The following GPC6 variants were observed in gnomAD, a reference collection of about 807,000 sequenced individuals.
GPC6 encodes the protein glypican 6.
GPC6 carries 14 observed loss-of-function variants against 55.2 expected under a neutral mutation model. The observed-to-expected ratio is 0.25, with a 90% CI of 0.17 to 0.40. The LOEUF (loss-of-function observed/expected upper bound fraction) is 0.40. GPC6 is among the 10% of genes least tolerant of loss of function. The pLI is 1.00. For missense variants in GPC6, 641 were observed against 708.5 expected, an observed-to-expected ratio of 0.90 and a Z score of 1.08; for synonymous variants, 278 against 259.6, an observed-to-expected ratio of 1.07 and a Z score of -0.68.
At chr13:93,920,314 C>T (rs1199474279) in intron 3 of GPC6, among the ~76,000 whole-genome samples, 1 of 151,938 alleles carries the variant, frequency 6.6e-6, no homozygotes, top group Non-Finnish European at 1.5e-5. Flanking sequence ...CTTTTCTCTC[C>T]CTTCTTTCCC....
rs1416031311 is a variant in GPC6, at chr13:93,760,142, AGGTGG to A, written c.320-70011_320-70007del. On this transcript the variant is annotated intron_variant, in intron 2 of 8. Transcript: ENST00000377047. ...GATTTTTTACAGAAAGCTAAGAAAT[AGGTGG>A]TACTGTGTATGATTCCCATTTCATT... is the stretch of plus-strand genomic sequence containing the variant. Among the ~76,000 whole-genome samples the A allele has an allele frequency of 3.9e-5, 6 of 152,306 alleles. No homozygotes were observed. The South Asian group carries it at 1.2e-3, about 32-fold the overall frequency.
At chr13:93,476,102 A>G (rs2139335039) in intron 1 of GPC6, among the ~76,000 whole-genome samples, 1 of 152,304 alleles carries the variant, frequency 6.6e-6, no homozygotes, top group South Asian at 2.1e-4. Flanking sequence ...AAATCAATTC[A>G]AATAAGAATA....
intron 2 of GPC6, among the ~76,000 whole-genome samples, chr13:93,829,459 C>T (rs2138978731): frequency 6.6e-6 from 1 of 152,252 alleles, no homozygotes; most frequent in African/African-American, 2.4e-5. Flanking sequence ...AACCTCATAA[C>T]CAGAAAGTCC....
chr13:93,986,008 G>GAAC (rs2140409855), intron 3 of GPC6, among the ~76,000 whole-genome samples: 1 of 152,060 alleles, frequency 6.6e-6, no homozygotes. Flanking sequence ...TTAGTTTGAT[G>GAAC]AATAATAATA....
chr13:93,620,637 C>A (rs4418931), intron 2 of GPC6, among the ~76,000 whole-genome samples: 1 of 151,908 alleles, frequency 6.6e-6, no homozygotes, highest in Non-Finnish European at 1.5e-5. Context: ...TATTTGAAGC[C>A]GCTCTCTGGA....
chr13:93,785,926 C>T (rs891304033), intron 2 of GPC6, among the ~76,000 whole-genome samples: 2 of 152,114 alleles, frequency 1.3e-5, no homozygotes, highest in Non-Finnish European at 2.9e-5. Flanking sequence ...TGTGCCTCTG[C>T]ACTCCAGGGT....
At chr13:93,379,383 A>T (rs967342197) in intron 1 of GPC6, among the ~76,000 whole-genome samples, 1 of 152,226 alleles carries the variant, frequency 6.6e-6, no homozygotes, top group Non-Finnish European at 1.5e-5. Flanking sequence ...GGACTGATTC[A>T]TATAAGAAAT....
intron 5 of GPC6, among the ~76,000 whole-genome samples, chr13:94,299,564 A>AG (rs1875531351): frequency 6.6e-6 from 1 of 152,224 alleles, no homozygotes; most frequent in South Asian, 2.1e-4. Flanking sequence ...CCTGCAGAAG[A>AG]GGCCTGCAGG....
At chr13:93,688,092 T>A (rs970045496) in intron 2 of GPC6, among the ~76,000 whole-genome samples, 2 of 152,106 alleles carry the variant, frequency 1.3e-5, no homozygotes, top group Non-Finnish European at 2.9e-5. Context: ...CCCAATTCAT[T>A]CTTTAGAAGC....
intron 1 of GPC6, among the ~76,000 whole-genome samples, chr13:93,377,340 A>G (rs746893006): frequency 4.6e-5 from 7 of 152,210 alleles, no homozygotes; most frequent in Non-Finnish European, 7.3e-5. Context: ...TACATCTTGG[A>G]GACGAGACAC....
chr13:94,340,365 G>A (rs989186687), intron 6 of GPC6, among the ~76,000 whole-genome samples: 2 of 151,920 alleles, frequency 1.3e-5, no homozygotes, highest in Non-Finnish European at 1.5e-5. Flanking sequence ...CAATTATCAA[G>A]AATTAGAAAT....
chr13:93,965,410 C>CAAAT (rs141337633), intron 3 of GPC6, among the ~76,000 whole-genome samples: 26 of 151,958 alleles, frequency 1.7e-4, no homozygotes, highest in East Asian at 9.7e-4. Flanking sequence ...GACTCCATCT[C>CAAAT]AAATAAATAA....
chr13:93,808,983 G>A (rs1209589951), intron 2 of GPC6, among the ~76,000 whole-genome samples: 3 of 152,118 alleles, frequency 2.0e-5, no homozygotes, highest in African/African-American at 7.2e-5. Context: ...AGTGAAGGGT[G>A]GTTGAATTCT....
intron 1 of GPC6, among the ~76,000 whole-genome samples, chr13:93,541,022 TC>T (rs1027760483): frequency 1.4e-4 from 21 of 150,612 alleles, no homozygotes; most frequent in Admixed American, 1.2e-3. Context: ...TGGGATATCA[TC>T]CTTTTTTTTT....
intron 4 of GPC6, among the ~76,000 whole-genome samples, chr13:94,255,415 G>C: frequency 6.6e-6 from 1 of 152,200 alleles, no homozygotes; most frequent in South Asian, 2.1e-4. Flanking sequence ...ATACAATCAA[G>C]TTCAAAATTT....
intron 4 of GPC6, among the ~76,000 whole-genome samples, chr13:94,278,020 T>C (rs1259874200): frequency 1.3e-5 from 2 of 152,218 alleles, no homozygotes; most frequent in Non-Finnish European, 2.9e-5. Flanking sequence ...TATAAATTAC[T>C]GTGGGCAGTA....
intron 4 of GPC6, among the ~76,000 whole-genome samples, chr13:94,105,220 G>A (rs1886009537): frequency 6.6e-6 from 1 of 152,112 alleles, no homozygotes; most frequent in Non-Finnish European, 1.5e-5. Flanking sequence ...TTATCTGGAT[G>A]TAGTTTGTTG....
intron 3 of GPC6, among the ~76,000 whole-genome samples, chr13:93,879,290 A>G (rs1181671696): frequency 6.6e-6 from 1 of 152,140 alleles, no homozygotes; most frequent in Non-Finnish European, 1.5e-5. Context: ...AGCTGGAGGC[A>G]TCACACTACC....
At chr13:94,124,747 A>T (rs901337147) in intron 4 of GPC6, among the ~76,000 whole-genome samples, 4 of 152,110 alleles carry the variant, frequency 2.6e-5, no homozygotes, top group African/African-American at 9.7e-5. Context: ...ATTTGTAGAG[A>T]CAGAGATTGA....
Sources: allele counts gnomAD v4.1 joint callset (sites outside exome capture counted in the v4.1 genomes callset), GRCh38; gene constraint gnomAD v4.1.1; transcripts MANE v1.5; gene names NCBI Gene and HGNC (gene_info 2026-07-23, HGNC 2026-07-21).